Variants in NRG1 observed in about 807,000 individuals in gnomAD.
NRG1 encodes the protein neuregulin 1.
A neutral mutation model predicts 63.8 loss-of-function variants in NRG1; 18 were observed. That is an observed-to-expected ratio of 0.28 (90% CI 0.19 to 0.42). The LOEUF (loss-of-function observed/expected upper bound fraction) is 0.42, where lower values mean the gene tolerates loss of function less well. Among genes scored for constraint, NRG1 ranks in the 10% least tolerant of loss-of-function variants. The probability of loss-of-function intolerance (pLI) is 1.00; values close to 1 mark genes in which losing one functional copy is unlikely to be tolerated. For missense variants in NRG1, 762 were observed against 814.7 expected, an observed-to-expected ratio of 0.94 and a Z score of 0.79; for synonymous variants, 302 against 301.3, an observed-to-expected ratio of 1.00 and a Z score of -0.02.
chr8:32,547,609 A>G (rs62500195), upstream of NRG1, among the ~76,000 whole-genome samples: 2 of 63,890 alleles, frequency 3.1e-5, no homozygotes, highest in Admixed American at 1.6e-4. Context: ...ACACACACAC[A>G]CACACACACA....
In NRG1 at chr8:32,759,302, C is replaced by A; in HGVS notation, c.922-4C>A. On this transcript the variant is annotated splice_region_variant and splice_polypyrimidine_tract_variant and intron_variant, in intron 9 of 11. Transcript: ENST00000356819. The stretch of plus-strand genomic sequence containing the variant: ...CTTCAAGTTGTGTCTCTTTGTTTAT[C>A]CAGCAATACGTATCTAAAAACGTCA... The A allele has an allele frequency of 6.2e-7, 1 of 1,611,394 alleles. No homozygotes were observed. Among genetic ancestry groups the A allele is most frequent in the Middle Eastern group, 1.7e-4 (1 of 6,040 alleles).
At chr8:32,180,641 T>C (rs1841334302) in intron 1 of NRG1, among the ~76,000 whole-genome samples, 1 of 152,092 alleles carries the variant, frequency 6.6e-6, no homozygotes, top group South Asian at 2.1e-4. Context: ...TTTTAATTAA[T>C]AAAACATATA....
intron 1 of NRG1, among the ~76,000 whole-genome samples, chr8:32,430,492 G>A (rs1031609738): frequency 1.3e-4 from 20 of 152,272 alleles, no homozygotes; most frequent in African/African-American, 4.8e-4. Context: ...CTAGAGGTGG[G>A]CGTGTGGAGA....
At chr8:32,110,152 G>A (rs1240678255) in intron 1 of NRG1, among the ~76,000 whole-genome samples, 2 of 152,296 alleles carry the variant, frequency 1.3e-5, no homozygotes, top group African/African-American at 4.8e-5. Flanking sequence ...ATCATTAAGA[G>A]TGTATTTATC....
chr8:31,924,586 T>G (rs1355798644), intron 1 of NRG1, among the ~76,000 whole-genome samples: 1 of 149,654 alleles, frequency 6.7e-6, no homozygotes, highest in Non-Finnish European at 1.5e-5. Context: ...TGTTCTCTAT[T>G]GTACACTTTT....
intron 1 of NRG1, among the ~76,000 whole-genome samples, chr8:31,981,708 T>C (rs1809131438): frequency 1.3e-5 from 2 of 152,020 alleles, no homozygotes; most frequent in African/African-American, 2.4e-5. Context: ...TCCTGGTCTC[T>C]TGGAATTTTA....
At position 32,738,113 on chromosome 8, in the gene NRG1, G is replaced by A. The variant is rs556962207; in HGVS notation, c.633-4562G>A. On this transcript the variant is annotated intron_variant, in intron 6 of 11. Transcript: ENST00000356819. ...ATTAGAGATACAAAATGATCAGAAT[G>A]TGATCATTGTCTGACAGAATGTGAT... Among the ~76,000 whole-genome samples, 6 of 152,226 alleles carry A rather than the reference G, an allele frequency of 3.9e-5. 1 individual carries two copies. In the South Asian group the frequency reaches 1.2e-3, roughly 32 times the overall value.
chr8:32,638,865 C>G (rs1044143994), intron 5 of NRG1, among the ~76,000 whole-genome samples: 4 of 152,104 alleles, frequency 2.6e-5, no homozygotes, highest in Non-Finnish European at 5.9e-5. Context: ...AAATGGGATA[C>G]GTCTGCTTCC....
At chr8:31,673,395 A>T (rs1390205919) in intron 1 of NRG1, among the ~76,000 whole-genome samples, 2 of 152,204 alleles carry the variant, frequency 1.3e-5, no homozygotes, top group African/African-American at 4.8e-5. Context: ...TGAGGGGCTG[A>T]TGAGACTAAT....
intron 1 of NRG1, among the ~76,000 whole-genome samples, chr8:32,182,746 A>G (rs1841565555): frequency 6.6e-6 from 1 of 152,174 alleles, no homozygotes; most frequent in South Asian, 2.1e-4. Flanking sequence ...AATCTTTACA[A>G]AACAGTGTTA....
At chr8:31,845,019 A>G (rs1300504289) in intron 1 of NRG1, among the ~76,000 whole-genome samples, 4 of 152,070 alleles carry the variant, frequency 2.6e-5, no homozygotes, top group Admixed American at 6.6e-5. Flanking sequence ...AGGCAGGAGA[A>G]TCATTCAAAC....
chr8:32,501,092 A>G (rs146253937), intron 1 of NRG1, among the ~76,000 whole-genome samples: 19 of 152,362 alleles, frequency 1.2e-4, no homozygotes, highest in African/African-American at 4.1e-4. Context: ...ATGCTGGCCT[A>G]CAGCTGACTG....
intron 1 of NRG1, among the ~76,000 whole-genome samples, chr8:31,709,002 C>T (rs1475756107): frequency 2.0e-5 from 3 of 152,136 alleles, no homozygotes; most frequent in African/African-American, 7.2e-5. Context: ...GTATTCATGA[C>T]ACACGTTTTT....
chr8:32,599,327 TA>T (rs1843914000), intron 2 of NRG1, among the ~76,000 whole-genome samples: 1 of 152,090 alleles, frequency 6.6e-6, no homozygotes, highest in South Asian at 2.1e-4. Flanking sequence ...TCTCTTTAAT[TA>T]AATACTTTGA....
intron 1 of NRG1, among the ~76,000 whole-genome samples, chr8:32,041,154 A>G (rs1819966101): frequency 6.6e-6 from 1 of 152,146 alleles, no homozygotes; most frequent in Non-Finnish European, 1.5e-5. Flanking sequence ...GAAAAATGGC[A>G]AGTAGAAGCT....
intron 1 of NRG1, among the ~76,000 whole-genome samples, chr8:32,106,558 A>G (rs1224954217): frequency 1.3e-5 from 2 of 152,202 alleles, no homozygotes; most frequent in Non-Finnish European, 2.9e-5. Context: ...AGGTTTCTTA[A>G]TATGATGAGC....
intron 1 of NRG1, among the ~76,000 whole-genome samples, chr8:31,749,837 C>T (rs1816271274): frequency 6.6e-6 from 1 of 151,396 alleles, no homozygotes; most frequent in Non-Finnish European, 1.5e-5. Flanking sequence ...TGTTTATACT[C>T]TTTTGCAAGC....
chr8:32,412,435 T>TATATATATAC (rs1815166533), intron 1 of NRG1, among the ~76,000 whole-genome samples: 5 of 39,268 alleles, frequency 1.3e-4, no homozygotes, highest in African/African-American at 3.4e-4. Context: ...TATATATATA[T>TATATATATAC]ATATATATAT....
chr8:31,989,986 A>G (rs1810784304), intron 1 of NRG1, among the ~76,000 whole-genome samples: 1 of 152,130 alleles, frequency 6.6e-6, no homozygotes, highest in African/African-American at 2.4e-5. Flanking sequence ...CATTGCAAAT[A>G]TAGTCAGATT....
Sources: allele counts gnomAD v4.1 joint callset (sites outside exome capture counted in the v4.1 genomes callset), GRCh38; gene constraint gnomAD v4.1.1; transcripts MANE v1.5; gene names NCBI Gene and HGNC (gene_info 2026-07-23, HGNC 2026-07-21).